COG5: variants seen among roughly 807,000 people sequenced by gnomAD.
COG5 encodes the protein conserved oligomeric Golgi complex subunit 5.
Under a neutral mutation model 110.4 loss-of-function variants are expected in COG5, and 86 were observed. The ratio of observed to expected loss-of-function variants is 0.78; its 90% CI spans 0.65 to 0.93. COG5 has a LOEUF of 0.93. Among genes scored for constraint, COG5 ranks in the 40% least tolerant of loss-of-function variants. The pLI is 0.00. For synonymous variants in COG5, 360 were observed against 334.6 expected, an observed-to-expected ratio of 1.08 and a Z score of -0.83; for missense variants, 1,077 against 987.0, an observed-to-expected ratio of 1.09 and a Z score of -1.22.
intron 14 of COG5, among the ~76,000 whole-genome samples, chr7:107,273,463 A>G (rs1584605461): frequency 6.6e-6 from 1 of 152,336 alleles, no homozygotes; most frequent in East Asian, 1.9e-4. Context: ...ATTATAGTCC[A>G]TACCTTGGAA....
At chr7:107,377,919 C>T (rs1294669869) in intron 7 of COG5, among the ~76,000 whole-genome samples, 1 of 152,146 alleles carries the variant, frequency 6.6e-6, no homozygotes, top group East Asian at 1.9e-4. Flanking sequence ...GCAAGCTCTG[C>T]TAAGGGACAG....
rs774672758 is a variant in COG5 at position 107,215,972 on chromosome 7, G to T, written c.2169-4747C>A. Among the ~76,000 whole-genome samples the T allele has an allele frequency of 3.9e-5, 6 of 152,052 alleles. 1 individual carries two copies. The highest frequency in any genetic ancestry group is 7.4e-5 in the Non-Finnish European group (5 of 68,020). On this transcript the variant is annotated intron_variant, in intron 19 of 21. Coordinates refer to ENST00000297135, the MANE Select transcript of COG5 (RefSeq NM_006348.5). Reference sequence around the variant, plus strand: ...GATCCACCCACCTCGGCCTCCCAAAGTGCTGGGATTACAGGCATGAGCCAC... The same window carrying T: ...GATCCACCCACCTCGGCCTCCCAAATTGCTGGGATTACAGGCATGAGCCAC...
intron 6 of COG5, among the ~76,000 whole-genome samples, chr7:107,509,559 T>C (rs1025486087): frequency 1.3e-5 from 2 of 152,122 alleles, no homozygotes; most frequent in Admixed American, 6.5e-5. Flanking sequence ...GCCACAAAGA[T>C]GCTCCTCGAG....
intron 11 of COG5, among the ~76,000 whole-genome samples, chr7:107,309,954 G>GT (rs1808077470): frequency 6.6e-6 from 1 of 152,032 alleles, no homozygotes; most frequent in South Asian, 2.1e-4. Context: ...TTATCCTTCA[G>GT]TTTTTTAAAA....
intron 7 of COG5, among the ~76,000 whole-genome samples, chr7:107,405,259 C>G (rs1388832957): frequency 6.6e-6 from 1 of 152,060 alleles, no homozygotes; most frequent in African/African-American, 2.4e-5. Context: ...ATTGAGATAA[C>G]AAATGTAAAG....
chr7:107,365,596 CAAAAAAAA>C (rs71134263), intron 8 of COG5, among the ~76,000 whole-genome samples: 276 of 36,696 alleles, frequency 7.5e-3, no homozygotes, highest in African/African-American at 0.022. Context: ...TGCAAAATGA[CAAAAAAAA>C]AAAAAAAAAA....
chr7:107,458,116 TA>T (rs1333151005), intron 6 of COG5, among the ~76,000 whole-genome samples: 4 of 152,146 alleles, frequency 2.6e-5, no homozygotes, highest in Non-Finnish European at 5.9e-5. Flanking sequence ...GATGGAAGAA[TA>T]AAGTGTGTGT....
intron 1 of COG5, among the ~76,000 whole-genome samples, chr7:107,562,057 A>C (rs2237677): frequency 0.29 from 43,931 of 152,130 alleles, 6,351 homozygotes; most frequent in East Asian, 0.33. Flanking sequence ...AAAAAGGTGC[A>C]ACAGATGGTT....
At chr7:107,509,226 A>G (rs1376719030) in intron 6 of COG5, among the ~76,000 whole-genome samples, 2 of 152,240 alleles carry the variant, frequency 1.3e-5, no homozygotes, top group Non-Finnish European at 2.9e-5. Flanking sequence ...CTGAAAGCCA[A>G]GGCTCAAGAA....
At chr7:107,341,274 C>T (rs1811149447) in intron 10 of COG5, among the ~76,000 whole-genome samples, 1 of 151,996 alleles carries the variant, frequency 6.6e-6, no homozygotes, top group Non-Finnish European at 1.5e-5. Flanking sequence ...ATCCCATTTA[C>T]AATAGCCACA....
At chr7:107,462,962 T>A (rs929504007) in intron 6 of COG5, among the ~76,000 whole-genome samples, 1 of 152,110 alleles carries the variant, frequency 6.6e-6, no homozygotes, top group Non-Finnish European at 1.5e-5. Context: ...CCAGTAAAAA[T>A]ATAAAAAGGT....
intron 1 of COG5, among the ~76,000 whole-genome samples, chr7:107,560,762 CTT>C (rs1803709778): frequency 6.6e-6 from 1 of 152,074 alleles, no homozygotes; most frequent in Admixed American, 6.5e-5. Flanking sequence ...ACTAGCACTG[CTT>C]GTTTACTATC....
Position 107,258,337 on chromosome 7 carries a change from T to G in COG5, c.1622A>C (p.Glu541Ala). The G allele has an allele frequency of 6.2e-7, 1 of 1,613,382 alleles. No individual in the cohort carries two copies. Among genetic ancestry groups the G allele is most frequent in the Non-Finnish European group, 8.5e-7 (1 of 1,179,416 alleles). The change falls in exon 15 of 22, where the codon GAA (glutamate) becomes GCA (alanine). Residue 541 changes from glutamate to alanine, a missense_variant. Coordinates refer to ENST00000297135, the MANE Select transcript of COG5 (RefSeq NM_006348.5). Reference sequence around the variant, plus strand: ...TACTGCCACATTTCTTCTCTGTCCTTCAGTAAGAGGCCCAATCACCTGACT... The same window carrying G: ...TACTGCCACATTTCTTCTCTGTCCTGCAGTAAGAGGCCCAATCACCTGACT... ...DASQVIGPLT[E>A]GQRRNVAVVN...
At chr7:107,241,428 C>CTCTA (rs1801616613) in intron 17 of COG5, among the ~76,000 whole-genome samples, 1 of 144,822 alleles carries the variant, frequency 6.9e-6, no homozygotes, top group Non-Finnish European at 1.5e-5. Flanking sequence ...ATCTATCTAT[C>CTCTA]TATATATATA....
chr7:107,397,872 T>C (rs945009989), intron 7 of COG5, among the ~76,000 whole-genome samples: 4 of 151,480 alleles, frequency 2.6e-5, no homozygotes, highest in African/African-American at 7.3e-5. Context: ...GGAAATTAAA[T>C]AACCTCAAAA....
intron 6 of COG5, among the ~76,000 whole-genome samples, chr7:107,478,342 C>T (rs141634612): frequency 6.7e-4 from 101 of 151,760 alleles, no homozygotes; most frequent in African/African-American, 2.3e-3. Flanking sequence ...TACTTCTGAC[C>T]CAAGTCAATT....
At chr7:107,490,052 C>G (rs2129127461) in intron 6 of COG5, among the ~76,000 whole-genome samples, 1 of 152,214 alleles carries the variant, frequency 6.6e-6, no homozygotes, top group South Asian at 2.1e-4. Flanking sequence ...AACGCATTTT[C>G]AATTCAATTA....
intron 10 of COG5, among the ~76,000 whole-genome samples, chr7:107,331,760 G>A (rs1166845645): frequency 6.6e-6 from 1 of 151,948 alleles, no homozygotes; most frequent in African/African-American, 2.4e-5. Flanking sequence ...AGCAGCAGGT[G>A]GGCAAAGAAA....
At chr7:107,404,841 T>G (rs1456168074) in intron 7 of COG5, among the ~76,000 whole-genome samples, 1 of 145,842 alleles carries the variant, frequency 6.9e-6, no homozygotes, top group African/African-American at 2.6e-5. Context: ...GAGAAGATGG[T>G]TGATGGAAAG....
Sources: gnomAD v4.1 joint callset for allele counts (sites outside exome capture counted in the v4.1 genomes callset) on GRCh38, gnomAD v4.1.1 for gene constraint, MANE v1.5 for transcripts, NCBI Gene and HGNC (gene_info 2026-07-23, HGNC 2026-07-21) for gene names.